RHPN2: variants seen among roughly 807,000 people sequenced by gnomAD.
RHPN2 encodes rhophilin-2.
In RHPN2, 40 loss-of-function variants were observed where a neutral mutation model predicts 79.0. The ratio of observed to expected loss-of-function variants is 0.51; its 90% CI spans 0.39 to 0.66. The LOEUF (loss-of-function observed/expected upper bound fraction) is 0.66, where lower values mean the gene tolerates loss of function less well. Ranked by LOEUF, RHPN2 falls within the 30% of genes least tolerant of loss-of-function variation. The pLI is 0.00. For synonymous variants in RHPN2, 285 were observed against 363.5 expected (o/e 0.78, Z 2.46); for missense variants, 686 against 883.5 (o/e 0.78, Z 2.83).
chr19:33,047,650 C>T (rs902466721), intron 1 of RHPN2, among the ~76,000 whole-genome samples: 1 of 152,182 alleles, frequency 6.6e-6, no homozygotes, highest in Non-Finnish European at 1.5e-5. Flanking sequence ...CGACCTCTGC[C>T]CAAGCCACAC....
intron 14 of RHPN2, among the ~76,000 whole-genome samples, chr19:32,989,933 G>A (rs1159941013): frequency 5.3e-5 from 8 of 151,964 alleles, no homozygotes; most frequent in Non-Finnish European, 1.2e-4. Context: ...TGAGACCCCC[G>A]TCTCTACTAA....
chr19:33,029,141 C>CAA (rs952813987), intron 2 of RHPN2, among the ~76,000 whole-genome samples: 1 of 145,524 alleles, frequency 6.9e-6, no homozygotes, highest in Admixed American at 6.9e-5. Context: ...ACTCCATCCC[C>CAA]AAAAAAAAAA....
intron 2 of RHPN2, among the ~76,000 whole-genome samples, chr19:33,042,982 G>A (rs191191779): frequency 1.3e-5 from 2 of 152,192 alleles, no homozygotes; most frequent in East Asian, 3.9e-4. Flanking sequence ...AGGAGGCTGA[G>A]GCAGGAGAAT....
intron 4 of RHPN2, among the ~76,000 whole-genome samples, chr19:33,019,304 G>T (rs1373052026): frequency 1.3e-5 from 2 of 152,078 alleles, no homozygotes; most frequent in Admixed American, 6.6e-5. Context: ...AATTAGCCAG[G>T]CATGGTGGCT....
chr19:32,999,796 T>C (rs879027290), intron 9 of RHPN2, 91 bp from the exon 10 acceptor site: 9 of 1,528,304 alleles, frequency 5.9e-6, no homozygotes, highest in African/African-American at 1.4e-5. Context: ...AGCTTCCTTT[T>C]TTCTGCAGTT....
chr19:33,008,497 C>T (rs1364970625), intron 6 of RHPN2, among the ~76,000 whole-genome samples: 2 of 151,716 alleles, frequency 1.3e-5, no homozygotes, highest in African/African-American at 2.4e-5. Context: ...TGGCTGGGTG[C>T]GGTGGCTCAC....
At chr19:33,036,982 T>C (rs13343954) in intron 2 of RHPN2, among the ~76,000 whole-genome samples, 28,135 of 151,850 alleles carry the variant, frequency 0.19, 2,868 homozygotes, top group South Asian at 0.41. Flanking sequence ...GGCTGACGAG[T>C]GCGGGCGCAG....
At chr19:33,039,552 A>C (rs1432590469) in intron 2 of RHPN2, among the ~76,000 whole-genome samples, 2 of 152,134 alleles carry the variant, frequency 1.3e-5, no homozygotes, top group Non-Finnish European at 2.9e-5. Flanking sequence ...AAAATTCAAC[A>C]ATCGGCCAGG....
chr19:33,001,580 GA>G (rs1273937015), intron 9 of RHPN2, among the ~76,000 whole-genome samples: 3 of 151,990 alleles, frequency 2.0e-5, no homozygotes, highest in South Asian at 4.2e-4. Flanking sequence ...GATCATCACA[GA>G]TTTTTTTTGC....
chr19:33,039,512 C>A (rs184427823), intron 2 of RHPN2, among the ~76,000 whole-genome samples: 4 of 152,134 alleles, frequency 2.6e-5, no homozygotes, highest in Non-Finnish European at 5.9e-5. Context: ...ATGTTACTAT[C>A]CCCCCTCTGA....
Position 33,064,873 on chromosome 19 carries a change from GGGCGGAC to G in RHPN2, c.-28_-22del, listed in dbSNP as rs1422424730. The G allele has an allele frequency of 1.9e-5, 29 of 1,498,214 alleles. No individual in the cohort carries two copies. Among genetic ancestry groups the G allele is most frequent in the African/African-American group, 5.8e-5 (4 of 68,528 alleles). 92.8% of individuals were successfully genotyped at this position (1,498,214 alleles called of 1,614,324 possible). ...GTCATGCTAGCGGCGCGGGCGCGGA[GGGCGGAC>G]GGCGGACTGAGGCGCGGCGGCTGAG... On this transcript the variant is annotated 5_prime_UTR_variant, in exon 1 of 15. Transcript: ENST00000254260.
At chr19:33,026,701 A>C in intron 2 of RHPN2, 69 bp from the exon 3 acceptor site, 1 of 1,550,066 alleles carries the variant, frequency 6.5e-7, no homozygotes, top group Non-Finnish European at 8.8e-7. Context: ...AGCAGACCCA[A>C]TCCCCAGTCC....
intron 1 of RHPN2, among the ~76,000 whole-genome samples, chr19:33,048,725 C>CAAAAAAAAAAAAAAAAAAA (rs58396784): frequency 4.8e-5 from 3 of 62,674 alleles, no homozygotes; most frequent in African/African-American, 7.1e-5. Context: ...GACTCAGTCT[C>CAAAAAAAAAAAAAAAAAAA]AAAAAAAAAA....
chr19:32,980,245 A>G lies in RHPN2; in HGVS notation c.1812T>C (p.Ser604=), dbSNP rs1229451897. The G allele has an allele frequency of 3.7e-6, 6 of 1,613,714 alleles. No individual in the cohort carries two copies. In the East Asian group the frequency reaches 1.1e-4, roughly 30 times the overall value. ...TCTGCATTCCCACGGAGTATGTGGC[A>G]CTCTTATTATGCTGCACATAGAAAA... ...LDSTSSMHNK[S]ATYSVGMQKT... The change falls in exon 15 of 15, where the codon AGT becomes AGC. Residue 604 remains serine, a synonymous_variant. Coordinates refer to ENST00000254260, the MANE Select transcript of RHPN2 (RefSeq NM_033103.5).
intron 14 of RHPN2, among the ~76,000 whole-genome samples, chr19:32,986,810 AAT>A (rs201723023): frequency 0.13 from 19,771 of 149,626 alleles, 1,353 homozygotes; most frequent in South Asian, 0.33. Flanking sequence ...AAAAAAAAAA[AAT>A]TTTGAGATAT....
At chr19:33,041,587 A>G (rs1460975057) in intron 2 of RHPN2, among the ~76,000 whole-genome samples, 2 of 152,130 alleles carry the variant, frequency 1.3e-5, no homozygotes, top group African/African-American at 4.8e-5. Context: ...GGCCTCAGAA[A>G]GGGTGACTGC....
intron 2 of RHPN2, among the ~76,000 whole-genome samples, chr19:33,031,240 ATTC>A (rs1972008787): frequency 6.6e-6 from 1 of 150,858 alleles, no homozygotes; most frequent in Non-Finnish European, 1.5e-5. Context: ...ATTCTATTCT[ATTC>A]TATTCTATTC....
At chr19:32,996,661 T>A (rs1443193874) in intron 10 of RHPN2, among the ~76,000 whole-genome samples, 2 of 152,150 alleles carry the variant, frequency 1.3e-5, no homozygotes, top group East Asian at 1.9e-4. Flanking sequence ...TACTTTTTTT[T>A]AACTTTTTGC....
intron 10 of RHPN2, among the ~76,000 whole-genome samples, chr19:32,997,136 C>T (rs571851607): frequency 7.9e-5 from 12 of 152,290 alleles, no homozygotes; most frequent in African/African-American, 2.9e-4. Flanking sequence ...TGGCCTCAAG[C>T]AATCTGCCTG....
Sources: gnomAD v4.1 joint callset for allele counts (sites outside exome capture counted in the v4.1 genomes callset) on GRCh38, gnomAD v4.1.1 for gene constraint, MANE v1.5 for transcripts, NCBI Gene and HGNC (gene_info 2026-07-23, HGNC 2026-07-21) for gene names.